The following CCBE1 variants were observed in gnomAD, a reference collection of about 807,000 sequenced individuals.
The protein encoded by CCBE1 is collagen and calcium binding EGF domains 1.
CCBE1 carries 37 observed loss-of-function variants against 50.0 expected under a neutral mutation model. The ratio of observed to expected loss-of-function variants is 0.74; its 90% CI spans 0.57 to 0.97. The LOEUF (loss-of-function observed/expected upper bound fraction) is 0.97, where lower values mean the gene tolerates loss of function less well. Among genes scored for constraint, CCBE1 ranks in the 50% least tolerant of loss-of-function variants. The pLI is 0.00. For missense variants in CCBE1, 538 were observed against 523.8 expected (o/e 1.03, Z -0.26); for synonymous variants, 234 against 203.7 (o/e 1.15, Z -1.27).
At chr18:59,557,804 C>G (rs1038985769) in intron 2 of CCBE1, among the ~76,000 whole-genome samples, 1 of 152,104 alleles carries the variant, frequency 6.6e-6, no homozygotes, top group African/African-American at 2.4e-5. Flanking sequence ...TATGCTTTCG[C>G]TGCTTCGTTC....
In CCBE1 at chr18:59,582,808, C is replaced by T. The variant is rs944984352; in HGVS notation, c.213-102570G>A. Reference sequence around the variant, plus strand: ...TTTACAAAGGAAAAAGTCAAACTTTCGGAGACATGGTAACTTTTTCTTCCT... The same window carrying T: ...TTTACAAAGGAAAAAGTCAAACTTTTGGAGACATGGTAACTTTTTCTTCCT... On this transcript the variant is annotated intron_variant, in intron 2 of 10. Coordinates refer to ENST00000439986, the MANE Select transcript of CCBE1 (RefSeq NM_133459.4). Among the ~76,000 whole-genome samples the T allele has an allele frequency of 7.2e-5, 11 of 152,136 alleles. No individual in the cohort carries two copies. In the South Asian group the frequency reaches 1.5e-3, roughly 20 times the overall value.
At chr18:59,500,968 A>G (rs1335171265) in intron 2 of CCBE1, among the ~76,000 whole-genome samples, 1 of 152,162 alleles carries the variant, frequency 6.6e-6, no homozygotes, top group African/African-American at 2.4e-5. Flanking sequence ...CCACCCACAC[A>G]TTGGTTCTGT....
intron 5 of CCBE1, among the ~76,000 whole-genome samples, chr18:59,458,130 A>G (rs1442222465): frequency 5.4e-5 from 8 of 149,440 alleles, no homozygotes; most frequent in African/African-American, 1.7e-4. Context: ...CAATCCATCC[A>G]TCCATCCATC....
chr18:59,498,584 T>C (rs1444859936), intron 2 of CCBE1, among the ~76,000 whole-genome samples: 1 of 152,182 alleles, frequency 6.6e-6, no homozygotes, highest in Non-Finnish European at 1.5e-5. Flanking sequence ...CAAGAAACCA[T>C]CTGTACCAGA....
At chr18:59,454,536 G>A (rs1340018082) in intron 6 of CCBE1, among the ~76,000 whole-genome samples, 6 of 152,280 alleles carry the variant, frequency 3.9e-5, no homozygotes, top group East Asian at 3.9e-4. Flanking sequence ...GTGAGTCACC[G>A]CACCCGGCTG....
At chr18:59,515,165 A>G (rs1188453432) in intron 2 of CCBE1, among the ~76,000 whole-genome samples, 1 of 152,268 alleles carries the variant, frequency 6.6e-6, no homozygotes, top group Non-Finnish European at 1.5e-5. Flanking sequence ...GGCCCAGAGT[A>G]GAAAATGTAC....
intron 2 of CCBE1, among the ~76,000 whole-genome samples, chr18:59,490,257 T>G (rs569498162): frequency 6.6e-6 from 1 of 152,254 alleles, no homozygotes; most frequent in Admixed American, 6.5e-5. Context: ...AGTGCTGGGA[T>G]TACAGGCGTG....
chr18:59,521,247 C>T (rs1202835910), intron 2 of CCBE1, among the ~76,000 whole-genome samples: 1 of 152,102 alleles, frequency 6.6e-6, no homozygotes, highest in South Asian at 2.1e-4. Context: ...CATAAAAATC[C>T]CCCAACTCTG....
intron 7 of CCBE1, among the ~76,000 whole-genome samples, chr18:59,445,257 A>G (rs1489048719): frequency 2.0e-5 from 3 of 152,192 alleles, no homozygotes; most frequent in Admixed American, 2.0e-4. Context: ...TTCTGCATGC[A>G]GAAGGACATT....
chr18:59,563,923 C>A (rs1462432047), intron 2 of CCBE1: 1 of 152,142 alleles, frequency 6.6e-6, no homozygotes, highest in Non-Finnish European at 1.5e-5. Flanking sequence ...GGGGAGGCGT[C>A]TCAGGAAGGG....
intron 2 of CCBE1, among the ~76,000 whole-genome samples, chr18:59,586,109 G>T (rs1482803790): frequency 6.6e-6 from 1 of 152,180 alleles, no homozygotes; most frequent in Non-Finnish European, 1.5e-5. Context: ...ACGAAAACTA[G>T]TATCATGGAC....
chr18:59,645,939 G>C (rs1002651844), intron 2 of CCBE1, among the ~76,000 whole-genome samples: 1 of 152,134 alleles, frequency 6.6e-6, no homozygotes, highest in African/African-American at 2.4e-5. Flanking sequence ...GCTGAGGCAG[G>C]AGAATGGTGT....
chr18:59,499,296 T>G (rs1326827060), intron 2 of CCBE1, among the ~76,000 whole-genome samples: 1 of 151,918 alleles, frequency 6.6e-6, no homozygotes, highest in East Asian at 1.9e-4. Flanking sequence ...GTGGTGGGAG[T>G]GACACTTTTG....
rs28501251 is a variant in CCBE1, at chr18:59,578,637, G to A, written c.213-98399C>T. Among the ~76,000 whole-genome samples the A allele has an allele frequency of 6.3e-3, 966 of 152,258 alleles. 16 individuals are homozygous for A. Among genetic ancestry groups the A allele is most frequent in the African/African-American group, 0.023 (940 of 41,532 alleles). On this transcript the variant is annotated intron_variant, in intron 2 of 10. Transcript: ENST00000439986. Reference sequence around the variant, plus strand: ...CACCCATAAAAAAGGATGAGTTCACGTCCTTTGCAGGGACATGAAGCTGGA... The same window carrying A: ...CACCCATAAAAAAGGATGAGTTCACATCCTTTGCAGGGACATGAAGCTGGA...
Position 59,662,870 on chromosome 18 carries a change from T to C in CCBE1, c.212+33759A>G, listed in dbSNP as rs115632653. Among the ~76,000 whole-genome samples the C allele has an allele frequency of 4.8e-3, 727 of 152,316 alleles. 6 individuals are homozygous for C. The highest frequency in any genetic ancestry group is 0.017 in the African/African-American group (697 of 41,570). ...GTGTACACCTGTAGTCCCAGCTACT[T>C]GAGAGGCAGGAGGATGAGTTCAAGC... On this transcript the variant is annotated intron_variant, in intron 2 of 10. Transcript: ENST00000439986.
chr18:59,631,335 T>C (rs757779110), intron 2 of CCBE1, among the ~76,000 whole-genome samples: 1 of 152,070 alleles, frequency 6.6e-6, no homozygotes, highest in Admixed American at 6.5e-5. Context: ...AGCCAGCCTA[T>C]CCCTAGAATT....
chr18:59,469,165 G>A (rs551202282), intron 4 of CCBE1, among the ~76,000 whole-genome samples: 2 of 152,148 alleles, frequency 1.3e-5, no homozygotes, highest in East Asian at 1.9e-4. Flanking sequence ...TTCTGTCTGC[G>A]TTTTTACTTT....
At chr18:59,543,770 G>A (rs1915563102) in intron 2 of CCBE1, among the ~76,000 whole-genome samples, 1 of 143,592 alleles carries the variant, frequency 7.0e-6, no homozygotes. Context: ...GGGAGGTGGA[G>A]CTTGCAGTGA....
intron 2 of CCBE1, among the ~76,000 whole-genome samples, chr18:59,501,985 GAC>G (rs1913644370): frequency 6.6e-6 from 1 of 152,160 alleles, no homozygotes. Flanking sequence ...TTTTAGCACA[GAC>G]AGCGTCTCCA....
Sources: gnomAD v4.1 joint callset for allele counts (sites outside exome capture counted in the v4.1 genomes callset) on GRCh38, gnomAD v4.1.1 for gene constraint, MANE v1.5 for transcripts, NCBI Gene and HGNC (gene_info 2026-07-23, HGNC 2026-07-21) for gene names.